Variants in RUNX1 observed in about 807,000 individuals in gnomAD.
The protein encoded by RUNX1 is RUNX family transcription factor 1, also known as runt-related transcription factor 1.
A neutral mutation model predicts 42.8 loss-of-function variants in RUNX1; 19 were observed. That is an observed-to-expected ratio of 0.44 (90% confidence interval 0.31 to 0.65). RUNX1 has a LOEUF of 0.65. Ranked by LOEUF, RUNX1 falls within the 30% of genes least tolerant of loss-of-function variation. The probability of loss-of-function intolerance (pLI) is 0.07; values close to 1 mark genes in which losing one functional copy is unlikely to be tolerated. For missense variants in RUNX1, 528 were observed against 672.0 expected (o/e 0.79, Z 2.37); for synonymous variants, 271 against 289.4 (o/e 0.94, Z 0.64).
chr21:34,915,022 C>T (rs2146534751), intron 2 of RUNX1, among the ~76,000 whole-genome samples: 1 of 152,270 alleles, frequency 6.6e-6, no homozygotes, highest in Non-Finnish European at 1.5e-5. Flanking sequence ...TGCTCAGTTT[C>T]CTGAATTATA....
chr21:34,825,447 AT>A (rs1444963895), intron 7 of RUNX1, among the ~76,000 whole-genome samples: 1 of 152,156 alleles, frequency 6.6e-6, no homozygotes, highest in East Asian at 1.9e-4. Context: ...TCTAAAAAAA[AT>A]CATACATTTT....
Position 34,794,809 on chromosome 21 carries a change from G to A in RUNX1, c.968-2199C>T, listed in dbSNP as rs775693731. On this transcript the variant is annotated intron_variant, in intron 8 of 8. Coordinates refer to ENST00000675419, the MANE Select transcript of RUNX1 (RefSeq NM_001754.5). ...TTGCTGGGGTGGAGGGGGCTGTCTC[G>A]TTCATCGTAGGATGTGTGGCAGCAT... Among the ~76,000 whole-genome samples, 16 of 152,306 alleles carry A rather than the reference G, an allele frequency of 1.1e-4. No individual in the cohort carries two copies. In the East Asian group the frequency reaches 2.9e-3, roughly 28 times the overall value.
At position 35,049,176 on chromosome 21, in the gene RUNX1, G is replaced by T. The variant is rs1037556327; in HGVS notation, c.-68C>A. On this transcript the variant is annotated 5_prime_UTR_variant, in exon 1 of 9. Coordinates refer to ENST00000675419, the MANE Select transcript of RUNX1 (RefSeq NM_001754.5). ...GGGTTGGTGATGCTCACCACGCTGC[G>T]AAACCCTGTGGTTTGCATTCAGTGT... 9 of 466,064 alleles carry T rather than the reference G, an allele frequency of 1.9e-5. No homozygotes were observed. The Admixed American group carries it at 2.5e-4, about 13-fold the overall frequency. The allele number at this position is 466,064 out of a possible 1,614,324, so 28.9% of individuals were successfully genotyped here. A position where few individuals can be genotyped will look rare whatever the true frequency, so the allele number is the denominator to read the frequency against.
chr21:34,857,029 A>G (rs901501201), intron 6 of RUNX1, among the ~76,000 whole-genome samples: 1 of 152,232 alleles, frequency 6.6e-6, no homozygotes, highest in Non-Finnish European at 1.5e-5. Context: ...TAGAAAAGTC[A>G]GCATTACCCA....
Position 34,843,276 on chromosome 21 carries a change from C to T in RUNX1, c.614-8675G>A, listed in dbSNP as rs954122364. Among the ~76,000 whole-genome samples the T allele has an allele frequency of 7.2e-5, 11 of 151,912 alleles. No individual in the cohort carries two copies. Among genetic ancestry groups the T allele is most frequent in the African/African-American group, 2.7e-4 (11 of 41,332 alleles). On this transcript the variant is annotated intron_variant, in intron 6 of 8. Coordinates refer to ENST00000675419, the MANE Select transcript of RUNX1 (RefSeq NM_001754.5). The surrounding 1 kb of genome is among the most constrained non-coding windows in gnomAD (Gnocchi z 4.8). The stretch of plus-strand genomic sequence containing the variant: ...AAATACACACAGACACATGTACATA[C>T]GTCACACAGACACATATATTAAGAC...
intron 5 of RUNX1, among the ~76,000 whole-genome samples, chr21:34,866,753 C>T (rs768678149): frequency 2.0e-5 from 3 of 152,130 alleles, no homozygotes; most frequent in African/African-American, 4.8e-5. Flanking sequence ...AAGATGTCGG[C>T]GTACTGTATA....
At chr21:34,887,424 T>C (rs889779240) in intron 3 of RUNX1, 1 of 1,326,498 alleles carries the variant, frequency 7.5e-7, no homozygotes, top group South Asian at 2.0e-5. Context: ...GGTTAAGTTC[T>C]GTCTTTGGCT....
Position 34,843,532 on chromosome 21 carries a change from A to T in RUNX1, c.614-8931T>A, listed in dbSNP as rs529849111. ...TCCATACATCCACTCACACACACAC[A>T]CCGTTCTGTGATCGCCCTCAGGACA... On this transcript the variant is annotated intron_variant, in intron 6 of 8. Transcript: ENST00000675419. This position sits in a 1 kb window ranked among gnomAD's most constrained non-coding sequence, Gnocchi z 4.8. Among the ~76,000 whole-genome samples, 1 of 152,160 alleles carries T rather than the reference A, an allele frequency of 6.6e-6. No homozygotes were observed. Among genetic ancestry groups the T allele is most frequent in the Admixed American group, 6.5e-5 (1 of 15,280 alleles).
At chr21:34,830,306 C>A (rs1044148654) in intron 7 of RUNX1, among the ~76,000 whole-genome samples, 2 of 152,096 alleles carry the variant, frequency 1.3e-5, no homozygotes, top group Non-Finnish European at 2.9e-5. Context: ...TCATATACCC[C>A]CTCTTTCACT....
intron 7 of RUNX1, among the ~76,000 whole-genome samples, chr21:34,803,818 A>AT (rs1467806164): frequency 1.3e-5 from 2 of 152,224 alleles, no homozygotes; most frequent in Admixed American, 1.3e-4. Context: ...TACACGGCAT[A>AT]TATCACACAA....
chr21:34,791,006 T>A lies in RUNX1; in HGVS notation c.*1129A>T, dbSNP rs2056427042. On this transcript the variant is annotated 3_prime_UTR_variant, in exon 9 of 9. Transcript: ENST00000675419. The stretch of plus-strand genomic sequence containing the variant: ...CTGCCTCAACCCTCTGGAACTAGAT[T>A]GACCTTCTCTGTTTTAAGGAGGAAG... The A allele has an allele frequency of 4.3e-6, 1 of 233,580 alleles. No individual in the cohort carries two copies. The highest frequency in any genetic ancestry group is 2.2e-5 in the African/African-American group (1 of 45,346). 14.5% of individuals were successfully genotyped at this position (233,580 alleles called of 1,614,324 possible). A position where few individuals can be genotyped will look rare whatever the true frequency, so the allele number is the denominator to read the frequency against.
At chr21:34,985,744 CTATAT>C (rs1223946509) in intron 2 of RUNX1, among the ~76,000 whole-genome samples, 3 of 151,886 alleles carry the variant, frequency 2.0e-5, no homozygotes, top group Non-Finnish European at 1.5e-5. Flanking sequence ...TTTTATTATC[CTATAT>C]TATATTATTA....
chr21:34,805,014 A>G (rs900570369), intron 7 of RUNX1, among the ~76,000 whole-genome samples: 1 of 152,098 alleles, frequency 6.6e-6, no homozygotes, highest in Non-Finnish European at 1.5e-5. Context: ...CGGCCTTCCA[A>G]AGTGCTGGGA....
At chr21:35,001,855 C>T (rs920131699) in intron 2 of RUNX1, among the ~76,000 whole-genome samples, 1 of 151,818 alleles carries the variant, frequency 6.6e-6, no homozygotes, top group Non-Finnish European at 1.5e-5. Context: ...TTGCAATGAC[C>T]AATTCAAAAA....
At chr21:34,832,256 G>A (rs2057074214) in intron 7 of RUNX1, among the ~76,000 whole-genome samples, 1 of 152,146 alleles carries the variant, frequency 6.6e-6, no homozygotes, top group Non-Finnish European at 1.5e-5. Flanking sequence ...TTTTGCCCAG[G>A]AGCTTCAGAG....
chr21:34,886,694 C>T, intron 4 of RUNX1, 149 bp downstream of exon 4: 1 of 1,271,042 alleles, frequency 7.9e-7, no homozygotes, highest in South Asian at 1.4e-5. Flanking sequence ...ACACAGCATC[C>T]CCCACATCCC....
At chr21:35,000,688 T>C (rs535599182) in intron 2 of RUNX1, among the ~76,000 whole-genome samples, 1 of 152,372 alleles carries the variant, frequency 6.6e-6, no homozygotes, top group African/African-American at 2.4e-5. Flanking sequence ...TTCTTTGGAC[T>C]TGTATAAGTA....
At position 34,892,059 on chromosome 21, in the gene RUNX1, C is replaced by T. The variant is rs1200203941; in HGVS notation, c.97+866G>A. The stretch of plus-strand genomic sequence containing the variant: ...AATCTCAACAATTCTCTTAAAATTA[C>T]CCTTTGCGAGCAATATATTTCCAAA... On this transcript the variant is annotated intron_variant, in intron 3 of 8. Transcript: ENST00000675419. 5.3e-5 allele frequency among the ~76,000 whole-genome samples: 8 copies of T among 152,312 alleles called. No homozygotes were observed. In the East Asian group the frequency reaches 1.5e-3, roughly 29 times the overall value.
intron 5 of RUNX1, among the ~76,000 whole-genome samples, chr21:34,864,411 T>C (rs549988804): frequency 6.6e-5 from 10 of 152,336 alleles, no homozygotes; most frequent in African/African-American, 2.4e-4. Flanking sequence ...AATGGGCTTT[T>C]CAGGACCCAG....
Sources: allele counts gnomAD v4.1 joint callset (sites outside exome capture counted in the v4.1 genomes callset), GRCh38; gene constraint gnomAD v4.1.1; non-coding constraint Gnocchi (gnomAD v3.1); transcripts MANE v1.5; gene names NCBI Gene and HGNC (gene_info 2026-07-23, HGNC 2026-07-21).